ROBO2: variants seen among roughly 807,000 people sequenced by gnomAD.
ROBO2 encodes the protein roundabout guidance receptor 2.
Under a neutral mutation model 160.8 loss-of-function variants are expected in ROBO2, and 53 were observed. The ratio of observed to expected loss-of-function variants is 0.33; its 90% CI spans 0.26 to 0.41. The LOEUF is 0.41. Ranked by LOEUF, ROBO2 falls within the 10% of genes least tolerant of loss-of-function variation. ROBO2 has a pLI of 1.00. For missense variants in ROBO2, 1,577 were observed against 1,722.4 expected (o/e 0.92, Z 1.49); for synonymous variants, 664 against 611.7 (o/e 1.09, Z -1.26).
chr3:76,560,761 G>A (rs1249038144), intron 2 of ROBO2, among the ~76,000 whole-genome samples: 1 of 150,354 alleles, frequency 6.7e-6, no homozygotes, highest in Non-Finnish European at 1.5e-5. Context: ...ATCACAATCA[G>A]CTTATTAACA....
chr3:76,869,340 A>ATCTTTTTTTTTTTTTTTTTTTTT (rs1178461363), intron 2 of ROBO2, among the ~76,000 whole-genome samples: 2 of 108,140 alleles, frequency 1.8e-5, no homozygotes, highest in African/African-American at 3.6e-5. Context: ...GTAGAAATTG[A>ATCTTTTTTTTTTTTTTTTTTTTT]TGTTTTTTTT....
intron 2 of ROBO2, among the ~76,000 whole-genome samples, chr3:77,153,653 G>C (rs2077724092): frequency 6.6e-6 from 1 of 152,058 alleles, no homozygotes; most frequent in Admixed American, 6.6e-5. Flanking sequence ...AATAATGGAA[G>C]AAGTAGCCCC....
intron 1 of ROBO2, among the ~76,000 whole-genome samples, chr3:77,088,028 G>T (rs895032119): frequency 6.6e-6 from 1 of 152,096 alleles, no homozygotes; most frequent in African/African-American, 2.4e-5. Context: ...TGTCACTGGG[G>T]CCCACTTGCT....
chr3:75,961,159 A>G (rs760113336), intron 2 of ROBO2, among the ~76,000 whole-genome samples: 9 of 151,668 alleles, frequency 5.9e-5, no homozygotes, highest in Non-Finnish European at 8.9e-5. Context: ...TCTTATTTCT[A>G]GCAAACTACC....
intron 2 of ROBO2, among the ~76,000 whole-genome samples, chr3:77,459,887 C>A (rs558758478): frequency 1.3e-5 from 2 of 148,366 alleles, no homozygotes; most frequent in East Asian, 2.0e-4. Context: ...ATCTCTTGAA[C>A]CTTGTAGGCC....
chr3:76,971,599 T>C (rs1244074571), intron 2 of ROBO2, among the ~76,000 whole-genome samples: 1 of 152,196 alleles, frequency 6.6e-6, no homozygotes, highest in Non-Finnish European at 1.5e-5. Flanking sequence ...TACTAATTTG[T>C]CTTTAGTGGT....
At chr3:76,858,631 C>G (rs1559612127) in intron 2 of ROBO2, among the ~76,000 whole-genome samples, 1 of 152,182 alleles carries the variant, frequency 6.6e-6, no homozygotes. Flanking sequence ...GACTCGATAT[C>G]TAAAGCCAAA....
chr3:77,282,613 A>G (rs958961460), intron 2 of ROBO2, among the ~76,000 whole-genome samples: 4 of 152,146 alleles, frequency 2.6e-5, no homozygotes, highest in Non-Finnish European at 5.9e-5. Context: ...TCTATCCACA[A>G]CCATTCATAC....
intron 1 of ROBO2, among the ~76,000 whole-genome samples, chr3:77,054,652 C>T (rs9811610): frequency 0.015 from 2,338 of 152,168 alleles, 70 homozygotes; most frequent in African/African-American, 0.053. Flanking sequence ...AGATAGAAAT[C>T]GCCATTTTTT....
chr3:76,666,025 A>T (rs1483031486), intron 2 of ROBO2, among the ~76,000 whole-genome samples: 2 of 122,450 alleles, frequency 1.6e-5, no homozygotes, highest in Non-Finnish European at 1.8e-5. Flanking sequence ...ATTATATATT[A>T]TATATATTAT....
At chr3:77,237,334 G>A (rs2088170267) in intron 2 of ROBO2, among the ~76,000 whole-genome samples, 1 of 151,488 alleles carries the variant, frequency 6.6e-6, no homozygotes, top group Non-Finnish European at 1.5e-5. Flanking sequence ...CCAAGTAGCA[G>A]GGACCATACT....
intron 1 of ROBO2, among the ~76,000 whole-genome samples, chr3:75,924,930 C>T (rs1297034636): frequency 2.0e-5 from 3 of 151,530 alleles, no homozygotes; most frequent in South Asian, 2.1e-4. Context: ...CCTCGTGATC[C>T]GCCCGCCTCG....
chr3:77,120,586 T>A (rs535869359), intron 2 of ROBO2, among the ~76,000 whole-genome samples: 4 of 152,228 alleles, frequency 2.6e-5, no homozygotes, highest in Non-Finnish European at 4.4e-5. Flanking sequence ...GTCGTTATGC[T>A]CATTTTAGCA....
intron 2 of ROBO2, among the ~76,000 whole-genome samples, chr3:76,527,369 G>A (rs1481058571): frequency 2.0e-5 from 3 of 152,038 alleles, no homozygotes; most frequent in African/African-American, 7.2e-5. Context: ...CTGAAGATGA[G>A]GCCATTGACA....
intron 2 of ROBO2, among the ~76,000 whole-genome samples, chr3:77,291,324 C>T (rs1241717482): frequency 6.6e-6 from 1 of 151,866 alleles, no homozygotes; most frequent in Non-Finnish European, 1.5e-5. Flanking sequence ...AAGGCTGAGG[C>T]TAGATCACCC....
At chr3:76,128,311 A>G (rs536934872) in intron 2 of ROBO2, among the ~76,000 whole-genome samples, 1 of 152,302 alleles carries the variant, frequency 6.6e-6, no homozygotes, top group African/African-American at 2.4e-5. Flanking sequence ...TGGCCTTTAC[A>G]GCAAGGAGCT....
At chr3:77,116,570 A>T (rs2074223494) in intron 2 of ROBO2, among the ~76,000 whole-genome samples, 2 of 152,192 alleles carry the variant, frequency 1.3e-5, no homozygotes, top group Admixed American at 6.5e-5. Context: ...CTTAGAAAAA[A>T]ATACAAGAAA....
At chr3:76,738,109 A>G (rs267141) in intron 2 of ROBO2, among the ~76,000 whole-genome samples, 128,201 of 151,950 alleles carry the variant, frequency 0.84, 54,194 homozygotes, top group African/African-American at 0.87. Flanking sequence ...ACTCCAGCCC[A>G]GGTGACACAG....
intron 20 of ROBO2, among the ~76,000 whole-genome samples, chr3:77,605,681 A>T (rs1437933480): frequency 6.6e-6 from 1 of 152,168 alleles, no homozygotes; most frequent in Non-Finnish European, 1.5e-5. Flanking sequence ...AGTAATTTCC[A>T]GTAAAGAAAG....
Sources: allele counts gnomAD v4.1 joint callset (sites outside exome capture counted in the v4.1 genomes callset), GRCh38; gene constraint gnomAD v4.1.1; transcripts MANE v1.5; gene names NCBI Gene and HGNC (gene_info 2026-07-23, HGNC 2026-07-21).